The following VPS13D variants were observed in gnomAD, a reference collection of about 807,000 sequenced individuals.
VPS13D encodes vacuolar protein sorting 13 homolog D, also known as intermembrane lipid transfer protein VPS13D.
Under a neutral mutation model 461.9 loss-of-function variants are expected in VPS13D, and 187 were observed. The observed-to-expected ratio is 0.40, with a 90% CI of 0.36 to 0.46. VPS13D has a LOEUF of 0.46. Among genes scored for constraint, VPS13D ranks in the 20% least tolerant of loss-of-function variants. The probability of loss-of-function intolerance (pLI) is 0.60; values close to 1 mark genes in which losing one functional copy is unlikely to be tolerated. For synonymous variants in VPS13D, 1,951 were observed against 1,986.3 expected (o/e 0.98, Z 0.47); for missense variants, 4,711 against 5,364.9 (o/e 0.88, Z 3.81).
chr1:12,488,532 A>G (rs1645832072), intron 67 of VPS13D, among the ~76,000 whole-genome samples: 1 of 144,426 alleles, frequency 6.9e-6, no homozygotes, highest in African/African-American at 2.8e-5. Flanking sequence ...GAGAAGGTAG[A>G]TAATATATAA....
chr1:12,278,504 A>G (rs1641683699), intron 19 of VPS13D, among the ~76,000 whole-genome samples: 1 of 152,092 alleles, frequency 6.6e-6, no homozygotes, highest in African/African-American at 2.4e-5. Context: ...CGAACTCGTG[A>G]CCTCAGGTGA....
intron 2 of VPS13D, among the ~76,000 whole-genome samples, chr1:12,241,287 C>T (rs1640347479): frequency 6.6e-6 from 1 of 152,158 alleles, no homozygotes; most frequent in South Asian, 2.1e-4. Context: ...CCTGAACAAT[C>T]ATTTAAAGGG....
At chr1:12,399,945 G>C (rs6684591) in intron 60 of VPS13D, among the ~76,000 whole-genome samples, 56,429 of 151,954 alleles carry the variant, frequency 0.37, 11,181 homozygotes, top group Non-Finnish European at 0.44. Context: ...TTTGAGGTGA[G>C]AAAACAAAAC....
chr1:12,279,752 T>G lies in VPS13D; in HGVS notation c.4602+102T>G. ...TACATGTTGGAAGGAATATATATTT[T>G]CAAAGATATATCACCCATGCATAAT... On this transcript the variant is annotated intron_variant, in intron 20 of 69. Coordinates refer to ENST00000620676, the MANE Select transcript of VPS13D (RefSeq NM_015378.4). This position sits in a 1 kb window ranked among gnomAD's most constrained non-coding sequence, Gnocchi z 4.3. 9.5e-7 allele frequency: 1 copy of G among 1,057,926 alleles called. No individual in the cohort carries two copies. The highest frequency in any genetic ancestry group is 1.3e-6 in the Non-Finnish European group (1 of 784,330). 65.5% of individuals were successfully genotyped at this position (1,057,926 alleles called of 1,614,324 possible). A position where few individuals can be genotyped will look rare whatever the true frequency, so the allele number is the denominator to read the frequency against.
intron 60 of VPS13D, among the ~76,000 whole-genome samples, chr1:12,387,158 G>A (rs963939655): frequency 2.0e-5 from 3 of 152,156 alleles, no homozygotes; most frequent in Non-Finnish European, 2.9e-5. Flanking sequence ...CAGCTGGACT[G>A]GAAAAACTAA....
At chr1:12,334,343 T>A (rs1016252752) in intron 38 of VPS13D, among the ~76,000 whole-genome samples, 1 of 148,190 alleles carries the variant, frequency 6.7e-6, no homozygotes, top group African/African-American at 2.7e-5. Flanking sequence ...CAACATCTCT[T>A]ACTCACAACA....
At chr1:12,376,452 C>T (rs1177985860) in intron 55 of VPS13D, among the ~76,000 whole-genome samples, 1 of 152,200 alleles carries the variant, frequency 6.6e-6, no homozygotes, top group East Asian at 1.9e-4. Context: ...ACACAACAAA[C>T]ATTTATTGAG....
rs562838950 is a variant in VPS13D at position 12,298,978 on chromosome 1, C to T, written c.6034-224C>T. Reference sequence around the variant, plus strand: ...TGTTTCCCTTGTGATTTCTTCTGACCTAGGGGTTATTTAGAAGTGTGTAGT... The same window carrying T: ...TGTTTCCCTTGTGATTTCTTCTGACTTAGGGGTTATTTAGAAGTGTGTAGT... On this transcript the variant is annotated intron_variant, in intron 24 of 69. Coordinates refer to ENST00000620676, the MANE Select transcript of VPS13D (RefSeq NM_015378.4). Among the ~76,000 whole-genome samples the T allele has an allele frequency of 2.0e-5, 3 of 152,074 alleles. No individual in the cohort carries two copies. In the East Asian group the frequency reaches 5.8e-4, roughly 29 times the overall value.
intron 67 of VPS13D, among the ~76,000 whole-genome samples, chr1:12,472,785 T>A (rs1557461149): frequency 6.6e-6 from 1 of 152,230 alleles, no homozygotes; most frequent in Admixed American, 6.5e-5. Context: ...TGGCTCTGAA[T>A]TAGTGTGGTT....
Position 12,291,027 on chromosome 1 carries a change from G to A in VPS13D, c.5755G>A (p.Gly1919Arg). ...EGDLALQGSI[G>R]SLSLSDLTCH... Reference sequence around the variant, plus strand: ...AGACCTGGCCTTACAGGGCAGCATTGGGAGTCTGTCTCTAAGTGACCTCAC... The same window carrying A: ...AGACCTGGCCTTACAGGGCAGCATTAGGAGTCTGTCTCTAAGTGACCTCAC... Residue 1919 changes from glycine (G) to arginine (R), a missense_variant, in exon 23 of 70, where the codon GGG becomes AGG. This residue lies in a region of VPS13D where 4,411 missense variants were observed against 4,937.8 expected (regional missense o/e 0.89). Transcript: ENST00000620676. 2 of 1,613,884 alleles carry A rather than the reference G, an allele frequency of 1.2e-6. No individual in the cohort carries two copies. The highest frequency in any genetic ancestry group is 1.7e-6 in the Non-Finnish European group (2 of 1,179,952).
rs552716930 is a variant in VPS13D, at chr1:12,322,104, C to T, written c.7704+140C>T. 2.2e-4 allele frequency: 239 copies of T among 1,092,766 alleles called. 2 individuals are homozygous for T. The highest frequency in any genetic ancestry group is 6.7e-4 in the South Asian group (44 of 65,836). The allele number at this position is 1,092,766 out of a possible 1,614,324, so 67.7% of individuals were successfully genotyped here. On this transcript the variant is annotated intron_variant, in intron 33 of 69. Transcript: ENST00000620676. The stretch of plus-strand genomic sequence containing the variant: ...TTTTTGAGATGGAGTCTTGCTCTGT[C>T]GCCCAGGCTGGAGTGCAGTGGTGCG...
At chr1:12,291,690 G>T (rs1242296889) in intron 23 of VPS13D, among the ~76,000 whole-genome samples, 1 of 152,150 alleles carries the variant, frequency 6.6e-6, no homozygotes, top group Non-Finnish European at 1.5e-5. Flanking sequence ...AAAGCCCTGG[G>T]CTCTCTTGCT....
At chr1:12,265,028 A>G (rs1378824198) in intron 13 of VPS13D, among the ~76,000 whole-genome samples, 1 of 152,076 alleles carries the variant, frequency 6.6e-6, no homozygotes, top group Admixed American at 6.6e-5. Flanking sequence ...CTTGTGTTCT[A>G]TCAATGGAGC....
intron 25 of VPS13D, among the ~76,000 whole-genome samples, chr1:12,300,471 G>A (rs1642394338): frequency 6.6e-6 from 1 of 152,094 alleles, no homozygotes. Flanking sequence ...GCCTCCCAAA[G>A]TGCTGAGATT....
chr1:12,356,361 G>T, intron 48 of VPS13D, 37 bp from the exon 49 acceptor site: 2 of 1,594,354 alleles, frequency 1.3e-6, no homozygotes, highest in Non-Finnish European at 1.7e-6. Context: ...AGATAGACTG[G>T]GTGGTATTGA....
At chr1:12,416,445 T>C (rs919302255) in intron 64 of VPS13D, among the ~76,000 whole-genome samples, 2 of 152,156 alleles carry the variant, frequency 1.3e-5, no homozygotes, top group African/African-American at 4.8e-5. Context: ...AGTATGTGTA[T>C]TGGGATATGT....
At chr1:12,377,547 C>T (rs989950605) in intron 55 of VPS13D, among the ~76,000 whole-genome samples, 1 of 151,842 alleles carries the variant, frequency 6.6e-6, no homozygotes, top group East Asian at 1.9e-4. Flanking sequence ...TGGCCAGGCA[C>T]GGTAGCTCAT....
rs1044431587 is a variant in VPS13D at position 12,512,001 on chromosome 1, C to A, written c.*2977C>A. On this transcript the variant is annotated 3_prime_UTR_variant, in exon 70 of 70. Transcript: ENST00000620676. ...TTGAGTCTGGTTCTCATATCAGAGT[C>A]ATCATTTTTCTTCCTGTGGAATAAA... 1.6e-4 allele frequency: 25 copies of A among 152,222 alleles called. No individual in the cohort carries two copies. The highest frequency in any genetic ancestry group is 5.5e-4 in the African/African-American group (23 of 41,442). 9.4% of individuals were successfully genotyped at this position (152,222 alleles called of 1,614,324 possible).
chr1:12,248,325 GTTATTATTA>G (rs753982925), intron 5 of VPS13D, among the ~76,000 whole-genome samples: 3,131 of 150,812 alleles, frequency 0.021, 152 homozygotes, highest in Admixed American at 0.12. Context: ...TTTACTTTCT[GTTATTATTA>G]TTATTATTAT....
Sources: gnomAD v4.1 joint callset for allele counts (sites outside exome capture counted in the v4.1 genomes callset) on GRCh38, gnomAD v4.1.1 for gene constraint, gnomAD v4.1.1 regional missense constraint, Gnocchi (gnomAD v3.1) non-coding constraint, MANE v1.5 for transcripts, NCBI Gene and HGNC (gene_info 2026-07-23, HGNC 2026-07-21) for gene names.